The following SYCP1 variants were observed in gnomAD, a reference collection of about 807,000 sequenced individuals.
SYCP1 encodes cancer/testis antigen 8.
SYCP1 carries 64 observed loss-of-function variants against 153.1 expected under a neutral mutation model. That is an observed-to-expected ratio of 0.42 (90% CI 0.34 to 0.51). SYCP1 has a LOEUF of 0.51. Among genes scored for constraint, SYCP1 ranks in the 20% least tolerant of loss-of-function variants. The probability of loss-of-function intolerance (pLI) is 0.06; values close to 1 mark genes in which losing one functional copy is unlikely to be tolerated. For synonymous variants in SYCP1, 384 were observed against 341.8 expected (o/e 1.12, Z -1.36); for missense variants, 997 against 1,049.0 (o/e 0.95, Z 0.68).
chr1:114,993,294 T>C (rs766326825), intron 30 of SYCP1, among the ~76,000 whole-genome samples: 15 of 151,714 alleles, frequency 9.9e-5, no homozygotes, highest in Middle Eastern at 3.4e-3. Flanking sequence ...ATCTTAGATT[T>C]ATAAAAATCT....
intron 15 of SYCP1, among the ~76,000 whole-genome samples, chr1:114,892,249 G>A (rs895796095): frequency 6.6e-6 from 1 of 152,158 alleles, no homozygotes; most frequent in South Asian, 2.1e-4. Context: ...GGGGTGGGGT[G>A]ATTCCTATGC....
At chr1:114,988,080 C>CAAAAAAAAAAAAAAAAAA (rs34553973) in intron 30 of SYCP1, among the ~76,000 whole-genome samples, 1 of 114,646 alleles carries the variant, frequency 8.7e-6, no homozygotes, top group Non-Finnish European at 1.7e-5. Flanking sequence ...TGATAAACGG[C>CAAAAAAAAAAAAAAAAAA]AAAAAAAAAA....
At chr1:114,969,610 C>G (rs569035934) in intron 27 of SYCP1, among the ~76,000 whole-genome samples, 4 of 152,320 alleles carry the variant, frequency 2.6e-5, no homozygotes, top group Admixed American at 2.6e-4. Flanking sequence ...CTGAGCAAGA[C>G]TACTCGGCTC....
At chr1:114,983,112 A>G (rs570874553) in intron 29 of SYCP1, among the ~76,000 whole-genome samples, 5 of 151,700 alleles carry the variant, frequency 3.3e-5, no homozygotes, top group Non-Finnish European at 4.4e-5. Context: ...GTAGTTGACA[A>G]CTCTGCCTTA....
At chr1:114,923,606 T>A in intron 21 of SYCP1, 76 bp downstream of exon 21, 1 of 1,357,566 alleles carries the variant, frequency 7.4e-7, no homozygotes, top group South Asian at 1.5e-5. Flanking sequence ...TAAACTAAAA[T>A]AAAGGGAAGT....
At chr1:114,959,111 A>G (rs1570864557) in intron 27 of SYCP1, among the ~76,000 whole-genome samples, 1 of 152,086 alleles carries the variant, frequency 6.6e-6, no homozygotes, top group East Asian at 1.9e-4. Context: ...TCAAACTGAG[A>G]AAGTTCTCTT....
At chr1:114,941,549 G>T (rs894398259) in intron 23 of SYCP1, among the ~76,000 whole-genome samples, 1 of 151,756 alleles carries the variant, frequency 6.6e-6, no homozygotes, top group African/African-American at 2.4e-5. Context: ...TGGTATATTT[G>T]GCCTTAGACT....
intron 23 of SYCP1, among the ~76,000 whole-genome samples, chr1:114,926,946 T>C (rs1669293552): frequency 6.6e-6 from 1 of 152,138 alleles, no homozygotes; most frequent in Non-Finnish European, 1.5e-5. Flanking sequence ...AGAAAGGGAT[T>C]GAAAACCATT....
chr1:114,985,377 T>A (rs1673432790), intron 30 of SYCP1, among the ~76,000 whole-genome samples: 1 of 152,008 alleles, frequency 6.6e-6, no homozygotes, highest in South Asian at 2.1e-4. Context: ...GCAGGCTATT[T>A]CCTCTAGCAC....
chr1:114,867,660 T>G (rs1020219253), intron 8 of SYCP1, among the ~76,000 whole-genome samples: 1 of 152,188 alleles, frequency 6.6e-6, no homozygotes, highest in Non-Finnish European at 1.5e-5. Flanking sequence ...TTTTTTTTGT[T>G]AATTCTTTCA....
At position 114,954,613 on chromosome 1, in the gene SYCP1, G is replaced by A. The variant is rs527918976; in HGVS notation, c.2322+7293G>A. On this transcript the variant is annotated intron_variant, in intron 27 of 31. Transcript: ENST00000369522. ...TTATTTATTTTTGAGACGGAGTCTT[G>A]CTCTGTCACCAGGCTGGAGTGCAGT... 6.1e-5 allele frequency among the ~76,000 whole-genome samples: 9 copies of A among 147,206 alleles called. No individual in the cohort carries two copies. The East Asian group carries it at 1.8e-3, about 29-fold the overall frequency.
intron 27 of SYCP1, among the ~76,000 whole-genome samples, chr1:114,958,705 G>C (rs1196785345): frequency 1.3e-5 from 2 of 148,494 alleles, no homozygotes; most frequent in Non-Finnish European, 3.0e-5. Flanking sequence ...CGGATCACAA[G>C]GTCAGGAGAT....
intron 30 of SYCP1, 84 bp from the exon 31 acceptor site, chr1:114,994,614 C>A: frequency 9.6e-7 from 1 of 1,046,278 alleles, no homozygotes; most frequent in Non-Finnish European, 1.3e-6. Context: ...TTGTTCTCCT[C>A]ACATGTGATA....
chr1:114,942,371 C>A (rs1163560855), intron 23 of SYCP1, among the ~76,000 whole-genome samples: 1 of 151,858 alleles, frequency 6.6e-6, no homozygotes, highest in African/African-American at 2.4e-5. Context: ...TTCAAGAACA[C>A]TCGGACATTT....
chr1:114,964,726 T>C (rs1672002380), intron 27 of SYCP1, among the ~76,000 whole-genome samples: 1 of 150,328 alleles, frequency 6.7e-6, no homozygotes, highest in Admixed American at 6.6e-5. Context: ...TTCTGTTCCA[T>C]CCTGTTTTGG....
chr1:114,950,438 A>G (rs1054823435), intron 27 of SYCP1, among the ~76,000 whole-genome samples: 2 of 152,168 alleles, frequency 1.3e-5, no homozygotes, highest in Admixed American at 6.5e-5. Flanking sequence ...AAAACACATT[A>G]TGTTTATATT....
intron 30 of SYCP1, among the ~76,000 whole-genome samples, chr1:114,986,308 A>G (rs1350265314): frequency 1.3e-5 from 2 of 152,048 alleles, no homozygotes; most frequent in East Asian, 3.9e-4. Flanking sequence ...GATAACTGCC[A>G]ATTCAAAATG....
At chr1:114,973,506 C>T (rs1329890883) in intron 27 of SYCP1, among the ~76,000 whole-genome samples, 1 of 151,874 alleles carries the variant, frequency 6.6e-6, no homozygotes, top group Admixed American at 6.6e-5. Context: ...TATATGTTTT[C>T]ATTTTCTTTC....
chr1:114,941,501 A>T lies in SYCP1; in HGVS notation c.1927-2838A>T, dbSNP rs549600253. On this transcript the variant is annotated intron_variant, in intron 23 of 31. Coordinates refer to ENST00000369522, the MANE Select transcript of SYCP1 (RefSeq NM_003176.4). ...TATAAATAGCATGTAGCCAGAGTTT[A>T]TAATTTTATGCACTCTGACAATCTT... Among the ~76,000 whole-genome samples, 3 of 152,306 alleles carry T rather than the reference A, an allele frequency of 2.0e-5. No individual in the cohort carries two copies. The South Asian group carries it at 6.2e-4, about 32-fold the overall frequency.
Sources: gnomAD v4.1 joint callset for allele counts (sites outside exome capture counted in the v4.1 genomes callset) on GRCh38, gnomAD v4.1.1 for gene constraint, MANE v1.5 for transcripts, NCBI Gene and HGNC (gene_info 2026-07-23, HGNC 2026-07-21) for gene names.